The following FCAMR variants were observed in gnomAD, a reference collection of about 807,000 sequenced individuals.
The protein encoded by FCAMR is Fc alpha and mu receptor.
In FCAMR, 51 loss-of-function variants were observed where a neutral mutation model predicts 52.2. That is an observed-to-expected ratio of 0.98 (90% CI 0.78 to 1.23). FCAMR has a LOEUF of 1.23. Among genes scored for constraint, FCAMR ranks in the 50% most tolerant of loss-of-function variants. The pLI is 0.00. For missense variants in FCAMR, 719 were observed against 712.6 expected (o/e 1.01, Z -0.10); for synonymous variants, 282 against 262.0 (o/e 1.08, Z -0.74).
rs540122912 is a variant in FCAMR, at chr1:206,958,839, G to A, written c.1574-163C>T. 1.2e-4 allele frequency: 106 copies of A among 864,728 alleles called. No homozygotes were observed. In the African/African-American group the frequency reaches 1.7e-3, roughly 14 times the overall value. 53.6% of individuals were successfully genotyped at this position (864,728 alleles called of 1,614,324 possible). ...CTAAGCCAGCCTAGCCCATGATAGGGCTTGGACTTCGGGGCCTGGGTCTGA... is the reference window on the plus strand; with the variant it reads ...CTAAGCCAGCCTAGCCCATGATAGGACTTGGACTTCGGGGCCTGGGTCTGA... On this transcript the variant is annotated intron_variant, in intron 7 of 7. Transcript: ENST00000324852.
At position 206,959,683 on chromosome 1, in the gene FCAMR, C is replaced by A; in HGVS notation, c.1569G>T (p.Arg523Ser). 6.2e-7 allele frequency: 1 copy of A among 1,613,442 alleles called. No individual in the cohort carries two copies. The highest frequency in any genetic ancestry group is 8.5e-7 in the Non-Finnish European group (1 of 1,179,518). The change falls in exon 7 of 8, where the codon AGG (arginine) becomes AGT (serine). Residue 523 changes from arginine (R) to serine (S), a missense_variant. Arg to Ser is a moderately radical substitution (Grantham distance 110). Transcript: ENST00000324852. ...VLLQRKLWRR[R>S]TSQEAERVTL... The stretch of plus-strand genomic sequence containing the variant: ...CCTTGGGGCTACTCAACTCACAGGT[C>A]CTCCTTCTCCAGAGCTTCCTTTGCA...
intron 4 of FCAMR, among the ~76,000 whole-genome samples, chr1:206,964,588 T>C (rs1251770284): frequency 6.6e-6 from 1 of 151,872 alleles, no homozygotes; most frequent in Non-Finnish European, 1.5e-5. Context: ...TTGTTCCCTC[T>C]TGCGCCATGT....
Position 206,967,626 on chromosome 1 carries a change from A to C in FCAMR, c.65T>G (p.Val22Gly). The C allele has an allele frequency of 6.2e-7, 1 of 1,614,186 alleles. No homozygotes were observed. Among genetic ancestry groups the C allele is most frequent in the South Asian group, 1.1e-5 (1 of 91,082 alleles). The change falls in exon 2 of 8, where the codon GTG (valine) becomes GGG (glycine). Residue 22 changes from valine (V) to glycine (G), a missense_variant. Physicochemically the swap from Val to Gly is moderately radical, Grantham distance 109 (BLOSUM62 -3). Coordinates refer to ENST00000324852, the MANE Select transcript of FCAMR (RefSeq NM_001170631.2). Reference sequence around the variant, plus strand: ...GCCAGCAATGAGCCTGGAGTAGTCCACTTCTCTTCCTCTCCTCACCACTTC... The same window carrying C: ...GCCAGCAATGAGCCTGGAGTAGTCCCCTTCTCTTCCTCTCCTCACCACTTC... ...QKEVVRRGRE[V>G]DYSRLIAGTL...
chr1:206,959,228 A>G (rs1199368785), intron 7 of FCAMR, among the ~76,000 whole-genome samples: 1 of 152,214 alleles, frequency 6.6e-6, no homozygotes, highest in African/African-American at 2.4e-5. Flanking sequence ...TCACGCCTAT[A>G]ATCCCAGCAA....
Position 206,964,283 on chromosome 1 carries a change from T to C in FCAMR, c.313+1432A>G, listed in dbSNP as rs140364146. Reference sequence around the variant, plus strand: ...ATGTGTCTTTCTACAGCCCTGTACATGTGGTTCAACATCTTGCGGTAGGAT... The same window carrying C: ...ATGTGTCTTTCTACAGCCCTGTACACGTGGTTCAACATCTTGCGGTAGGAT... On this transcript the variant is annotated intron_variant, in intron 4 of 7. Coordinates refer to ENST00000324852, the MANE Select transcript of FCAMR (RefSeq NM_001170631.2). 7.2e-5 allele frequency among the ~76,000 whole-genome samples: 11 copies of C among 152,284 alleles called. No individual in the cohort carries two copies. The East Asian group carries it at 2.1e-3, about 29-fold the overall frequency.
intron 7 of FCAMR, among the ~76,000 whole-genome samples, chr1:206,959,240 T>C (rs1055405589): frequency 1.3e-5 from 2 of 152,002 alleles, no homozygotes; most frequent in African/African-American, 4.8e-5. Context: ...TCCCAGCAAT[T>C]TGGGAGGCCA....
intron 7 of FCAMR, 27 bp from the exon 8 acceptor site, chr1:206,958,703 G>T (rs1382008204): frequency 6.2e-7 from 1 of 1,613,762 alleles, no homozygotes; most frequent in Non-Finnish European, 8.5e-7. Context: ...CAGACTGTGA[G>T]GGTTCTGGGT....
chr1:206,958,536 C>T lies in FCAMR; in HGVS notation c.1714G>A (p.Glu572Lys), dbSNP rs770689295. 15 of 1,612,634 alleles carry T rather than the reference C, an allele frequency of 9.3e-6. No homozygotes were observed. The highest frequency in any genetic ancestry group is 1.3e-5 in the Non-Finnish European group (15 of 1,179,786). ...GTCCCTCAGGGTCCTGGATTTCTCT[C>T]TGGGGCAGTCAGGCTGGCCCCAGCA... is the stretch of plus-strand genomic sequence containing the variant. Reference protein sequence around the residue: ...LPAGASLTAPERNPGP With the variant: ...LPAGASLTAPKRNPGP The change falls in exon 8 of 8, where the codon GAG becomes AAG. Residue 572 changes from glutamate (E) to lysine (K), a missense_variant. Physicochemically the swap from Glu to Lys is moderately conservative, Grantham distance 56 (BLOSUM62 1). Transcript: ENST00000324852.
chr1:206,965,445 T>C (rs967265807), intron 4 of FCAMR, among the ~76,000 whole-genome samples: 11 of 152,222 alleles, frequency 7.2e-5, no homozygotes, highest in African/African-American at 2.7e-4. Context: ...TGGGAAATTT[T>C]ATATTAACTA....
rs1357178766 is a variant in FCAMR at position 206,957,977 on chromosome 1, A to C, written c.*539T>G. Reference sequence around the variant, plus strand: ...CACTGAGCCCCCAAGTCAATCAGACACAGGTATTTATTGGGGTCCTACTGA... The same window carrying C: ...CACTGAGCCCCCAAGTCAATCAGACCCAGGTATTTATTGGGGTCCTACTGA... On this transcript the variant is annotated 3_prime_UTR_variant, in exon 8 of 8. Coordinates refer to ENST00000324852, the MANE Select transcript of FCAMR (RefSeq NM_001170631.2). 6.6e-6 allele frequency: 1 copy of C among 152,272 alleles called. No homozygotes were observed. The highest frequency in any genetic ancestry group is 1.9e-4 in the East Asian group (1 of 5,202). The allele number at this position is 152,272 out of a possible 1,614,324, so 9.4% of individuals were successfully genotyped here. A position where few individuals can be genotyped will look rare whatever the true frequency, so the allele number is the denominator to read the frequency against.
rs932412945 is a variant in FCAMR at position 206,960,389 on chromosome 1, G to GC, written c.1454+32dup. The GC allele has an allele frequency of 1.1e-5, 16 of 1,463,178 alleles. No homozygotes were observed. The African/African-American group carries it at 1.7e-4, about 16-fold the overall frequency. 90.6% of individuals were successfully genotyped at this position (1,463,178 alleles called of 1,614,324 possible). ...ATGCCAGGGATGAGGCAGATGTGGG[G>GC]CCCCCCAACCGGGAGAAGGTGCCTG... On this transcript the variant is annotated intron_variant, in intron 6 of 7. Coordinates refer to ENST00000324852, the MANE Select transcript of FCAMR (RefSeq NM_001170631.2).
intron 5 of FCAMR, among the ~76,000 whole-genome samples, chr1:206,961,876 C>A (rs1213030137): frequency 1.3e-5 from 2 of 152,250 alleles, no homozygotes; most frequent in African/African-American, 4.8e-5. Flanking sequence ...TGCCGCTTCT[C>A]TGCATGTCTG....
chr1:206,959,086 T>G (rs1407405792), intron 7 of FCAMR: 7 of 389,630 alleles, frequency 1.8e-5, no homozygotes. Context: ...GGCTTATGGT[T>G]AACATAGGCA....
Position 206,961,120 on chromosome 1 carries a change from G to T in FCAMR, c.756C>A (p.Thr252=), listed in dbSNP as rs747912949. ...SPVANRWTPG[T]TQTLGQGTAW... ...CTGTCCCCTGTCCTAAGGTCTGGGT[G>T]GTTCCTGGGGTCCATCTGTTGGCCA... The change falls in exon 6 of 8, where the codon ACC becomes ACA. Residue 252 remains threonine, a synonymous_variant. Transcript: ENST00000324852. The T allele has an allele frequency of 2.6e-6, 4 of 1,551,754 alleles. No individual in the cohort carries two copies. The highest frequency in any genetic ancestry group is 1.2e-5 in the South Asian group (1 of 84,038).
intron 7 of FCAMR, 22 bp downstream of exon 7, chr1:206,959,657 G>A: frequency 6.3e-7 from 1 of 1,592,436 alleles, no homozygotes; most frequent in South Asian, 1.1e-5. Context: ...CTTCTATCTA[G>A]CCTTGGGGCT....
At chr1:206,968,793 G>C (rs1025199282) in intron 1 of FCAMR, among the ~76,000 whole-genome samples, 5 of 152,322 alleles carry the variant, frequency 3.3e-5, no homozygotes, top group Non-Finnish European at 7.3e-5. Flanking sequence ...GCAGAGAAAA[G>C]TAGAGAGTCC....
At chr1:206,960,327 G>A in intron 6 of FCAMR, 95 bp downstream of exon 6, 1 of 1,267,540 alleles carries the variant, frequency 7.9e-7, no homozygotes, top group Non-Finnish European at 1.1e-6. Context: ...GGGTACAAAG[G>A]GAGAGAAGTG....
chr1:206,962,473 G>T lies in FCAMR; in HGVS notation c.392C>A (p.Pro131His), dbSNP rs750272728. Residue 131 changes from proline to histidine, a missense_variant, in exon 5 of 8, where the codon CCC (proline) becomes CAC (histidine). Pro to His is a moderately conservative substitution (Grantham distance 77, BLOSUM62 -2). Transcript: ENST00000324852. The stretch of plus-strand genomic sequence containing the variant: ...CCTCTGGTGCCTGTTGACAGATGAG[G>T]GGGCATAATGGCACTGGATGGTGAC... Reference protein sequence around the residue: ...GAVTIQCHYAPSSVNRHQRKY... With the variant: ...GAVTIQCHYAHSSVNRHQRKY... 1.2e-6 allele frequency: 2 copies of T among 1,612,274 alleles called. No individual in the cohort carries two copies. Among genetic ancestry groups the T allele is most frequent in the South Asian group, 1.1e-5 (1 of 91,028 alleles).
intron 6 of FCAMR, chr1:206,960,063 A>C: frequency 2.0e-6 from 1 of 500,482 alleles, no homozygotes; most frequent in Non-Finnish European, 3.6e-6. Flanking sequence ...ACTAGGTGGG[A>C]GCAAGCGACT....
Sources: gnomAD v4.1 joint callset for allele counts (sites outside exome capture counted in the v4.1 genomes callset) on GRCh38, gnomAD v4.1.1 for gene constraint, MANE v1.5 for transcripts, NCBI Gene and HGNC (gene_info 2026-07-23, HGNC 2026-07-21) for gene names.